MYO3A: variants seen among roughly 807,000 people sequenced by gnomAD.
The protein encoded by MYO3A is myosin-IIIa.
In MYO3A, 180 loss-of-function variants were observed where a neutral mutation model predicts 192.7. That is an observed-to-expected ratio of 0.93 (90% CI 0.83 to 1.06). The LOEUF is 1.06. Among genes scored for constraint, MYO3A ranks in the 50% least tolerant of loss-of-function variants. MYO3A has a pLI of 0.00. For synonymous variants in MYO3A, 628 were observed against 645.3 expected, an observed-to-expected ratio of 0.97 and a Z score of 0.41; for missense variants, 1,896 against 1,905.0, an observed-to-expected ratio of 1.00 and a Z score of 0.09.
chr10:25,955,853 T>C (rs1480720276), intron 4 of MYO3A, among the ~76,000 whole-genome samples: 1 of 152,208 alleles, frequency 6.6e-6, no homozygotes, highest in Non-Finnish European at 1.5e-5. Flanking sequence ...TTTTGAATGT[T>C]TCATTGCTTT....
chr10:26,104,220 T>C (rs942633112), intron 17 of MYO3A, among the ~76,000 whole-genome samples: 1 of 152,186 alleles, frequency 6.6e-6, no homozygotes, highest in South Asian at 2.1e-4. Context: ...ATCTGTTTTT[T>C]CTTTTATTGT....
intron 10 of MYO3A, among the ~76,000 whole-genome samples, chr10:26,056,669 C>G (rs1321440145): frequency 8.1e-6 from 1 of 123,220 alleles, no homozygotes. Flanking sequence ...TACAGATGTC[C>G]TAAATGTGTT....
intron 25 of MYO3A, 34 bp from the exon 26 acceptor site, chr10:26,157,276 A>C: frequency 6.3e-7 from 1 of 1,594,418 alleles, no homozygotes; most frequent in Non-Finnish European, 8.6e-7. Context: ...TTTGTATGCT[A>C]CATTGGGAAA....
intron 31 of MYO3A, among the ~76,000 whole-genome samples, chr10:26,187,087 A>G (rs911036605): frequency 2.6e-5 from 4 of 152,208 alleles, no homozygotes; most frequent in African/African-American, 9.7e-5. Context: ...AATATCTACT[A>G]TTCACTTAGC....
In MYO3A at chr10:26,125,419, G is replaced by C. The variant is rs770801976; in HGVS notation, c.1925G>C (p.Arg642Pro). 6 of 1,613,746 alleles carry C rather than the reference G, an allele frequency of 3.7e-6. No homozygotes were observed. The East Asian group carries it at 1.3e-4, about 36-fold the overall frequency. ...LENCASLLCIRADELQEALTS... is the reference protein window; with the variant it reads ...LENCASLLCIPADELQEALTS... Reference sequence around the variant, plus strand: ...TCAGGTGCTTCTTTGCTTTGCATTCGGGCAGATGAGCTACAAGAAGCTCTC... The same window carrying C: ...TCAGGTGCTTCTTTGCTTTGCATTCCGGCAGATGAGCTACAAGAAGCTCTC... The change falls in exon 19 of 35, where the codon CGG becomes CCG. Residue 642 changes from arginine to proline, a missense_variant. Physicochemically the swap from Arg to Pro is moderately radical, Grantham distance 103. Coordinates refer to ENST00000642920, the MANE Select transcript of MYO3A (RefSeq NM_017433.5).
At chr10:25,948,925 A>G (rs1218728406) in intron 2 of MYO3A, among the ~76,000 whole-genome samples, 1 of 152,108 alleles carries the variant, frequency 6.6e-6, no homozygotes, top group Non-Finnish European at 1.5e-5. Context: ...GTTTTACACT[A>G]TATTGATACA....
intron 12 of MYO3A, 140 bp downstream of exon 12, chr10:26,069,024 C>G: frequency 1.6e-6 from 1 of 620,526 alleles, no homozygotes; most frequent in Non-Finnish European, 2.9e-6. Context: ...AAACATAGAA[C>G]TAGGAAAAAT....
At chr10:26,183,518 G>A (rs913396752) in intron 31 of MYO3A, among the ~76,000 whole-genome samples, 6 of 151,730 alleles carry the variant, frequency 4.0e-5, no homozygotes, top group East Asian at 1.9e-4. Context: ...GTGAGACTTC[G>A]TCTCAAAAAA....
chr10:25,944,575 A>G lies in MYO3A; in HGVS notation c.-17-7519A>G, dbSNP rs1444218080. On this transcript the variant is annotated intron_variant, in intron 2 of 34. Transcript: ENST00000642920. ...AGAGAAGTTTTTGATTACTAATTCA[A>G]TCTCTTTTGTAAGTGATACCTCTTC... Among the ~76,000 whole-genome samples, 4 of 151,864 alleles carry G rather than the reference A, an allele frequency of 2.6e-5. No individual in the cohort carries two copies. In the East Asian group the frequency reaches 7.7e-4, roughly 29 times the overall value.
chr10:25,954,872 A>G lies in MYO3A; in HGVS notation c.169-2A>G, dbSNP rs766047689. On this transcript the variant is annotated splice_acceptor_variant, in intron 3 of 34. Transcript: ENST00000642920. LOFTEE classifies it high-confidence loss of function. ...TCTATTCTTATGACTTTTTGAAACT[A>G]GGATATTGACGAAGAGATTGAAGCA... 1 of 1,611,758 alleles carries G rather than the reference A, an allele frequency of 6.2e-7. No individual in the cohort carries two copies. The highest frequency in any genetic ancestry group is 1.7e-5 in the Admixed American group (1 of 59,888).
chr10:26,193,367 T>C, intron 32 of MYO3A, 56 bp downstream of exon 32: 1 of 1,346,904 alleles, frequency 7.4e-7, no homozygotes, highest in East Asian at 2.4e-5. Flanking sequence ...TAATGGCCAG[T>C]GTGAAAACTG....
chr10:25,963,872 CTT>C (rs1182972338), intron 4 of MYO3A, among the ~76,000 whole-genome samples: 1 of 152,036 alleles, frequency 6.6e-6, no homozygotes, highest in Non-Finnish European at 1.5e-5. Flanking sequence ...ATATATAACT[CTT>C]ATATATCTTT....
At chr10:26,004,023 A>G (rs541277776) in intron 6 of MYO3A, among the ~76,000 whole-genome samples, 2 of 152,318 alleles carry the variant, frequency 1.3e-5, no homozygotes, top group Admixed American at 1.3e-4. Context: ...AGTGCCCTTC[A>G]ATCCTTCCTT....
At chr10:26,207,088 T>C (rs989207135) in intron 34 of MYO3A, among the ~76,000 whole-genome samples, 2 of 152,056 alleles carry the variant, frequency 1.3e-5, no homozygotes, top group Non-Finnish European at 2.9e-5. Context: ...TTCTAAGTTG[T>C]ATCAGTTTCC....
intron 29 of MYO3A, among the ~76,000 whole-genome samples, chr10:26,172,674 G>A (rs1288366917): frequency 6.6e-6 from 1 of 152,204 alleles, no homozygotes; most frequent in Non-Finnish European, 1.5e-5. Flanking sequence ...TACTAGTGTA[G>A]CGATTCATCA....
intron 10 of MYO3A, among the ~76,000 whole-genome samples, chr10:26,031,860 A>C (rs1003706454): frequency 6.6e-6 from 1 of 152,186 alleles, no homozygotes; most frequent in South Asian, 2.1e-4. Flanking sequence ...ACATTTGCCT[A>C]AAAAATTATT....
chr10:26,040,432 T>C (rs1843280188), intron 10 of MYO3A, among the ~76,000 whole-genome samples: 1 of 152,152 alleles, frequency 6.6e-6, no homozygotes, highest in South Asian at 2.1e-4. Flanking sequence ...CTTGGAGGGA[T>C]GCTGTGTTTT....
At chr10:26,100,522 G>T (rs1414843402) in intron 17 of MYO3A, among the ~76,000 whole-genome samples, 1 of 152,104 alleles carries the variant, frequency 6.6e-6, no homozygotes, top group Non-Finnish European at 1.5e-5. Flanking sequence ...GATCTTTCCT[G>T]CTTTCTTTTG....
chr10:25,979,543 T>G (rs978566230), intron 4 of MYO3A, among the ~76,000 whole-genome samples: 1 of 146,750 alleles, frequency 6.8e-6, no homozygotes, highest in African/African-American at 2.5e-5. Context: ...CAAAACAATC[T>G]GTAGAAAACT....
Sources: gnomAD v4.1 joint callset for allele counts (sites outside exome capture counted in the v4.1 genomes callset) on GRCh38, gnomAD v4.1.1 for gene constraint, MANE v1.5 for transcripts, NCBI Gene and HGNC (gene_info 2026-07-23, HGNC 2026-07-21) for gene names.